The following ADD1 variants were observed in gnomAD, a reference collection of about 807,000 sequenced individuals.
ADD1 encodes alpha-adducin.
In ADD1, 24 loss-of-function variants were observed where a neutral mutation model predicts 80.5. The ratio of observed to expected loss-of-function variants is 0.30; its 90% CI spans 0.22 to 0.42. The LOEUF (loss-of-function observed/expected upper bound fraction) is 0.42. Among genes scored for constraint, ADD1 ranks in the 10% least tolerant of loss-of-function variants. The probability of loss-of-function intolerance (pLI) is 1.00; values close to 1 mark genes in which losing one functional copy is unlikely to be tolerated. For missense variants in ADD1, 948 were observed against 1,019.0 expected (o/e 0.93, Z 0.95); for synonymous variants, 373 against 393.8 (o/e 0.95, Z 0.63).
Position 2,914,947 on chromosome 4 carries a change from A to G in ADD1, c.1855A>G (p.Ser619Gly). ...EKEYQPHVIV[S>G]TTGPNPFTTL... ...GGAGTACCAGCCCCACGTCATTGTG[A>G]GCACCACGGGCCCCAACCCCTTCAC... Residue 619 changes from serine to glycine, a missense_variant, in exon 14 of 16, where the codon AGC (serine) becomes GGC (glycine). Ser to Gly is a moderately conservative substitution (Grantham distance 56). Transcript: ENST00000683351. 3 of 1,614,124 alleles carry G rather than the reference A, an allele frequency of 1.9e-6. No individual in the cohort carries two copies. The highest frequency in any genetic ancestry group is 1.3e-5 in the African/African-American group (1 of 75,052).
At chr4:2,925,957 A>G (rs2109222767) in intron 14 of ADD1, 57 bp from the exon 15 acceptor site, 1 of 1,503,552 alleles carries the variant, frequency 6.7e-7, no homozygotes. Flanking sequence ...GGAGGCAGGT[A>G]CAGGCTCATG....
Position 2,926,006 on chromosome 4 carries a change from C to G in ADD1, c.1949-8C>G. ...AGCTCCTACCATATCCTTCTTGCTT[C>G]TCTGCAGAGAATCTGGACGAGGCTA... is the stretch of plus-strand genomic sequence containing the variant. On this transcript the variant is annotated splice_polypyrimidine_tract_variant and splice_region_variant and intron_variant, in intron 14 of 15. Coordinates refer to ENST00000683351, the MANE Select transcript of ADD1 (RefSeq NM_001354761.2). The surrounding 1 kb of genome is among the most constrained non-coding windows in gnomAD (Gnocchi z 5.0). 2 of 1,613,492 alleles carry G rather than the reference C, an allele frequency of 1.2e-6. No individual in the cohort carries two copies. Among genetic ancestry groups the G allele is most frequent in the Non-Finnish European group, 1.7e-6 (2 of 1,179,478 alleles).
chr4:2,901,149 G>C (rs890912327), intron 9 of ADD1: 25 of 152,600 alleles, frequency 1.6e-4, no homozygotes, highest in African/African-American at 6.0e-4. Context: ...TGAGAGTGGG[G>C]CAGCCATGGC....
chr4:2,881,222 C>CAT (rs1560181486), intron 2 of ADD1, among the ~76,000 whole-genome samples: 1 of 151,588 alleles, frequency 6.6e-6, no homozygotes, highest in Non-Finnish European at 1.5e-5. Context: ...GGATTACAGG[C>CAT]GCCCACCACC....
intron 13 of ADD1, 36 bp downstream of exon 13, chr4:2,909,467 G>T: frequency 1.3e-6 from 2 of 1,497,934 alleles, no homozygotes; most frequent in Non-Finnish European, 9.1e-7. Flanking sequence ...CTGTCTATGC[G>T]CCTTGCTCCC....
intron 4 of ADD1, among the ~76,000 whole-genome samples, chr4:2,887,100 C>T (rs1319717021): frequency 1.3e-5 from 2 of 152,172 alleles, no homozygotes; most frequent in East Asian, 1.9e-4. Context: ...TAAATTATCT[C>T]CTTGGGGCTT....
intron 11 of ADD1, among the ~76,000 whole-genome samples, chr4:2,908,048 T>C (rs1418386906): frequency 2.0e-5 from 3 of 152,228 alleles, no homozygotes; most frequent in African/African-American, 7.2e-5. Context: ...GCCCTATTGA[T>C]TCTTGAACTG....
At chr4:2,844,980 G>C (rs893800442) in intron 1 of ADD1, 2 of 151,738 alleles carry the variant, frequency 1.3e-5, no homozygotes, top group African/African-American at 4.9e-5. Context: ...AGTTCAACAG[G>C]CACCAGAGAG....
In ADD1 at chr4:2,909,968, CAAA is replaced by C. The variant is rs35681850; in HGVS notation, c.1791+552_1791+554del. Reference sequence around the variant, plus strand: ...TGATAAAATGTATTTATTTGTACCTCAAAAAAAAAAAAAAAAACCCTAAATAAC... The same window carrying C: ...TGATAAAATGTATTTATTTGTACCTCAAAAAAAAAAAAAACCCTAAATAAC... On this transcript the variant is annotated intron_variant, in intron 13 of 15. Coordinates refer to ENST00000683351, the MANE Select transcript of ADD1 (RefSeq NM_001354761.2). Among the ~76,000 whole-genome samples, 96 of 119,764 alleles carry C rather than the reference CAAA, an allele frequency of 8.0e-4. 1 individual carries two copies. Among genetic ancestry groups the C allele is most frequent in the African/African-American group, 1.8e-3 (58 of 32,160 alleles). The allele number at this position is 119,764 out of a possible 152,430, so 78.6% of individuals were successfully genotyped here. A position where few individuals can be genotyped will look rare whatever the true frequency, so the allele number is the denominator to read the frequency against.
Position 2,915,059 on chromosome 4 carries a change from G to C in ADD1, c.1948+19G>C, listed in dbSNP as rs1738761254. ...TCTGAAGGTGAGTGCTTGTGGTCCT[G>C]GGCACGGCCACTCCAGAAGGTGAAA... On this transcript the variant is annotated intron_variant, in intron 14 of 15. Coordinates refer to ENST00000683351, the MANE Select transcript of ADD1 (RefSeq NM_001354761.2). 1 of 1,596,704 alleles carries C rather than the reference G, an allele frequency of 6.3e-7. No individual in the cohort carries two copies.
At chr4:2,870,974 T>C (rs2108867948) in intron 1 of ADD1, among the ~76,000 whole-genome samples, 1 of 150,276 alleles carries the variant, frequency 6.7e-6, no homozygotes, top group Middle Eastern at 3.4e-3. Flanking sequence ...TTTCTTTCTT[T>C]TTTTTTTTTT....
intron 1 of ADD1, chr4:2,855,103 A>G (rs1560143093): frequency 6.6e-6 from 1 of 152,178 alleles, no homozygotes; most frequent in Non-Finnish European, 1.5e-5. Flanking sequence ...TGGTGATTAC[A>G]TTCAGGGCCC....
At chr4:2,880,280 C>T (rs1242228) in intron 2 of ADD1, among the ~76,000 whole-genome samples, 71,078 of 151,412 alleles carry the variant, frequency 0.47, 16,917 homozygotes, top group African/African-American at 0.5. Context: ...ATACATCTGT[C>T]TGTTGTGTGC....
At chr4:2,917,380 T>C (rs894797322) in intron 14 of ADD1, among the ~76,000 whole-genome samples, 3 of 152,234 alleles carry the variant, frequency 2.0e-5, no homozygotes, top group African/African-American at 7.2e-5. Context: ...TTGATGGCAT[T>C]GTTTTTTTCT....
At chr4:2,847,762 C>G (rs1472714460) in intron 1 of ADD1, among the ~76,000 whole-genome samples, 1 of 152,140 alleles carries the variant, frequency 6.6e-6, no homozygotes, top group Non-Finnish European at 1.5e-5. Context: ...TTGGTTCAGT[C>G]CAGAACGGCG....
chr4:2,916,162 A>ATATTATTATTAT (rs71662749), intron 14 of ADD1, among the ~76,000 whole-genome samples: 1 of 141,056 alleles, frequency 7.1e-6, no homozygotes, highest in Non-Finnish European at 1.5e-5. Flanking sequence ...GCCAGCATGC[A>ATATTATTATTAT]TATTATTATT....
intron 3 of ADD1, among the ~76,000 whole-genome samples, chr4:2,883,525 T>C (rs1210823844): frequency 6.6e-6 from 1 of 152,070 alleles, no homozygotes; most frequent in Admixed American, 6.6e-5. Context: ...TTTGTTTGTT[T>C]GTTTGTTTTG....
At chr4:2,850,821 C>T (rs576729578) in intron 1 of ADD1, among the ~76,000 whole-genome samples, 2 of 152,282 alleles carry the variant, frequency 1.3e-5, no homozygotes, top group South Asian at 2.1e-4. Flanking sequence ...CCACCCGCCT[C>T]GGCCTCCCAA....
chr4:2,889,901 A>G (rs1577584010), intron 4 of ADD1, among the ~76,000 whole-genome samples: 1 of 152,200 alleles, frequency 6.6e-6, no homozygotes, highest in Non-Finnish European at 1.5e-5. Flanking sequence ...TGTAGCCAAT[A>G]GAAATTAATA....
Sources: gnomAD v4.1 joint callset for allele counts (sites outside exome capture counted in the v4.1 genomes callset) on GRCh38, gnomAD v4.1.1 for gene constraint, Gnocchi (gnomAD v3.1) non-coding constraint, MANE v1.5 for transcripts, NCBI Gene and HGNC (gene_info 2026-07-23, HGNC 2026-07-21) for gene names.